TRAPPC12: variants seen among roughly 807,000 people sequenced by gnomAD.
TRAPPC12 encodes the protein TPR repeat protein 15.
In TRAPPC12, 61 loss-of-function variants were observed where a neutral mutation model predicts 69.2. The ratio of observed to expected loss-of-function variants is 0.88; its 90% CI spans 0.72 to 1.09. The LOEUF (loss-of-function observed/expected upper bound fraction) is 1.09, where lower values mean the gene tolerates loss of function less well. Among genes scored for constraint, TRAPPC12 ranks in the 50% least tolerant of loss-of-function variants. TRAPPC12 has a pLI of 0.00. For missense variants in TRAPPC12, 1,101 were observed against 1,016.4 expected, an observed-to-expected ratio of 1.08 and a Z score of -1.13; for synonymous variants, 469 against 438.9, an observed-to-expected ratio of 1.07 and a Z score of -0.86.
intron 2 of TRAPPC12, among the ~76,000 whole-genome samples, chr2:3,399,900 G>T (rs1022253503): frequency 2.0e-5 from 3 of 147,832 alleles, no homozygotes; most frequent in Non-Finnish European, 4.5e-5. Context: ...CAGGGGGCAC[G>T]CAGGCTTCTC....
intron 8 of TRAPPC12, among the ~76,000 whole-genome samples, chr2:3,463,904 A>AG (rs1166101079): frequency 6.6e-6 from 1 of 152,082 alleles, no homozygotes; most frequent in African/African-American, 2.4e-5. Context: ...AGAGAAGCCT[A>AG]GGGGGGCAGC....
intron 3 of TRAPPC12, among the ~76,000 whole-genome samples, chr2:3,412,539 T>G (rs1386726678): frequency 6.6e-6 from 1 of 152,040 alleles, no homozygotes; most frequent in East Asian, 1.9e-4. Flanking sequence ...CCAGCCTGGG[T>G]GACAACAGCA....
At chr2:3,427,896 A>C (rs1436271371) in intron 5 of TRAPPC12, among the ~76,000 whole-genome samples, 1 of 74,938 alleles carries the variant, frequency 1.3e-5, no homozygotes, top group Non-Finnish European at 3.5e-5. Flanking sequence ...CTGTCCCACA[A>C]AAAAAAAAAA....
rs377186888 is a variant in TRAPPC12 at position 3,464,115 on chromosome 2, T to A, written c.1678-1482T>A. 3.8e-4 allele frequency among the ~76,000 whole-genome samples: 58 copies of A among 152,162 alleles called. 1 individual carries two copies. Among genetic ancestry groups the A allele is most frequent in the African/African-American group, 1.3e-3 (56 of 41,492 alleles). ...CCAGGTCACAAAGCCCTCCCCTGTGTGAGGGAGCTCACACACACACGTCCA... is the reference window on the plus strand; with the variant it reads ...CCAGGTCACAAAGCCCTCCCCTGTGAGAGGGAGCTCACACACACACGTCCA... On this transcript the variant is annotated intron_variant, in intron 8 of 11. Transcript: ENST00000324266.
chr2:3,434,180 G>T (rs1012640675), intron 5 of TRAPPC12, among the ~76,000 whole-genome samples: 2 of 152,232 alleles, frequency 1.3e-5, no homozygotes, highest in South Asian at 2.1e-4. Context: ...CACGGACCTC[G>T]TGGCTGTCAT....
In TRAPPC12 at chr2:3,398,654, T is replaced by C. The variant is rs889698222; in HGVS notation, c.1048-3123T>C. On this transcript the variant is annotated intron_variant, in intron 2 of 11. Transcript: ENST00000324266. The stretch of plus-strand genomic sequence containing the variant: ...TCTGTTTTGTCTTTCACCATCAAAA[T>C]CAAGAAGGGACTACTGAGACTATTC... 1.4e-4 allele frequency among the ~76,000 whole-genome samples: 21 copies of C among 152,198 alleles called. 1 individual carries two copies. The highest frequency in any genetic ancestry group is 4.8e-4 in the African/African-American group (20 of 41,530).
chr2:3,443,899 G>T lies in TRAPPC12; in HGVS notation c.1530+8G>T, dbSNP rs1489228947. ...AAGACTGTCTGCAGCAAGGTAGGTGGCGCTGTCATTCTTCCCTGCCACGGG... is the reference window on the plus strand; with the variant it reads ...AAGACTGTCTGCAGCAAGGTAGGTGTCGCTGTCATTCTTCCCTGCCACGGG... On this transcript the variant is annotated splice_region_variant and intron_variant, in intron 6 of 11. Coordinates refer to ENST00000324266, the MANE Select transcript of TRAPPC12 (RefSeq NM_016030.6). The T allele has an allele frequency of 9.3e-6, 15 of 1,607,952 alleles. No homozygotes were observed. The highest frequency in any genetic ancestry group is 1.2e-5 in the Non-Finnish European group (14 of 1,174,976).
rs2103498288 is a variant in TRAPPC12, at chr2:3,414,740, A to ATTCCTCTT, written c.1165-7140_1165-7133dup. 6.6e-6 allele frequency among the ~76,000 whole-genome samples: 1 copy of ATTCCTCTT among 151,300 alleles called. No individual in the cohort carries two copies. The highest frequency in any genetic ancestry group is 2.4e-5 in the African/African-American group (1 of 41,170). ...ACACCATTCCCCGTCGTTGACGTGC[A>ATTCCTCTT]TTCCTCTTGTTCATCGTGCGAGACT... On this transcript the variant is annotated intron_variant, in intron 3 of 11. Transcript: ENST00000324266. This position sits in a 1 kb window ranked among gnomAD's most constrained non-coding sequence, Gnocchi z 4.9.
chr2:3,441,939 C>T (rs1469831012), intron 5 of TRAPPC12, among the ~76,000 whole-genome samples: 1 of 152,200 alleles, frequency 6.6e-6, no homozygotes, highest in Non-Finnish European at 1.5e-5. Context: ...CATCCAGAAG[C>T]ACCCCCATGT....
intron 6 of TRAPPC12, chr2:3,456,876 C>G (rs1306244862): frequency 3.1e-6 from 1 of 321,518 alleles, no homozygotes; most frequent in Non-Finnish European, 6.0e-6. Flanking sequence ...ACCGCTCAAT[C>G]CCAGAAGTGT....
chr2:3,428,353 A>G (rs1663234408), intron 5 of TRAPPC12, among the ~76,000 whole-genome samples: 1 of 152,202 alleles, frequency 6.6e-6, no homozygotes, highest in Non-Finnish European at 1.5e-5. Context: ...TTTTCTTCCC[A>G]TTTTGTGGTG....
At chr2:3,469,745 A>C (rs971992510) in intron 9 of TRAPPC12, among the ~76,000 whole-genome samples, 2 of 152,148 alleles carry the variant, frequency 1.3e-5, no homozygotes, top group Non-Finnish European at 2.9e-5. Flanking sequence ...CCCCTCCTGC[A>C]AGAGTAGGAA....
intron 1 of TRAPPC12, among the ~76,000 whole-genome samples, chr2:3,380,622 G>A (rs1225059057): frequency 3.3e-5 from 5 of 152,150 alleles, no homozygotes; most frequent in African/African-American, 1.2e-4. Flanking sequence ...AGATAGTGGC[G>A]GATAATGAGC....
intron 6 of TRAPPC12, among the ~76,000 whole-genome samples, chr2:3,450,868 C>T (rs1326572693): frequency 6.6e-6 from 1 of 151,982 alleles, no homozygotes; most frequent in Non-Finnish European, 1.5e-5. Context: ...CTAAACCTAT[C>T]CCGTGCTCAC....
chr2:3,464,480 A>G (rs1235137703), intron 8 of TRAPPC12, among the ~76,000 whole-genome samples: 1 of 152,126 alleles, frequency 6.6e-6, no homozygotes, highest in Non-Finnish European at 1.5e-5. Flanking sequence ...AGGAAATGGA[A>G]CATGTAGAAG....
chr2:3,429,011 A>G (rs1663278878), intron 5 of TRAPPC12, among the ~76,000 whole-genome samples: 1 of 152,154 alleles, frequency 6.6e-6, no homozygotes, highest in Non-Finnish European at 1.5e-5. Context: ...CCCAGGGCCC[A>G]GCTTCATCCA....
intron 5 of TRAPPC12, among the ~76,000 whole-genome samples, chr2:3,433,794 T>G (rs1416572527): frequency 6.6e-6 from 1 of 152,220 alleles, no homozygotes; most frequent in Non-Finnish European, 1.5e-5. Flanking sequence ...CCAACCTAGA[T>G]TTTGGCAGGT....
intron 2 of TRAPPC12, among the ~76,000 whole-genome samples, chr2:3,401,266 T>A (rs1279887978): frequency 6.6e-6 from 1 of 152,198 alleles, no homozygotes; most frequent in Non-Finnish European, 1.5e-5. Flanking sequence ...GCCCTAGCCC[T>A]CCAGGCTTTC....
intron 2 of TRAPPC12, among the ~76,000 whole-genome samples, chr2:3,394,024 A>G (rs1191510663): frequency 6.6e-6 from 1 of 152,188 alleles, no homozygotes; most frequent in Non-Finnish European, 1.5e-5. Flanking sequence ...AATAGGATAC[A>G]TGTTTATTTC....
Sources: allele counts gnomAD v4.1 joint callset (sites outside exome capture counted in the v4.1 genomes callset), GRCh38; gene constraint gnomAD v4.1.1; non-coding constraint Gnocchi (gnomAD v3.1); transcripts MANE v1.5; gene names NCBI Gene and HGNC (gene_info 2026-07-23, HGNC 2026-07-21).